Variants in TCF12 observed in about 807,000 individuals in gnomAD.
TCF12 encodes transcription factor 12.
In TCF12, 45 loss-of-function variants were observed where a neutral mutation model predicts 86.0. The observed-to-expected ratio is 0.52, with a 90% CI of 0.41 to 0.67. The LOEUF (loss-of-function observed/expected upper bound fraction) is 0.67, where lower values mean the gene tolerates loss of function less well. Ranked by LOEUF, TCF12 falls within the 30% of genes least tolerant of loss-of-function variation. TCF12 has a pLI of 0.00. For missense variants in TCF12, 881 were observed against 859.9 expected (o/e 1.02, Z -0.31); for synonymous variants, 330 against 299.6 (o/e 1.10, Z -1.05).
intron 3 of TCF12, among the ~76,000 whole-genome samples, chr15:56,981,733 A>G (rs1330956121): frequency 6.6e-6 from 1 of 152,224 alleles, no homozygotes; most frequent in Non-Finnish European, 1.5e-5. Context: ...AACATAAACA[A>G]TTAATACATA....
chr15:57,057,635 T>TG (rs11436045), intron 3 of TCF12, among the ~76,000 whole-genome samples: 37,558 of 151,932 alleles, frequency 0.25, 5,475 homozygotes, highest in East Asian at 0.4. Flanking sequence ...TTCAGAGAGG[T>TG]GGGAGGCAGA....
chr15:57,087,329 T>G (rs528796158), intron 4 of TCF12, among the ~76,000 whole-genome samples: 1 of 151,540 alleles, frequency 6.6e-6, no homozygotes, highest in Non-Finnish European at 1.5e-5. Context: ...GGAGGATTGC[T>G]TGAGCCCAGC....
At chr15:56,927,494 AT>A (rs1378443012) in intron 3 of TCF12, among the ~76,000 whole-genome samples, 4 of 152,170 alleles carry the variant, frequency 2.6e-5, no homozygotes, top group Non-Finnish European at 5.9e-5. Flanking sequence ...TACCATTAAC[AT>A]TTTCTCCTGT....
rs915604719 is a variant in TCF12 at position 57,083,846 on chromosome 15, A to G, written c.223-7943A>G. Among the ~76,000 whole-genome samples, 52 of 152,122 alleles carry G rather than the reference A, an allele frequency of 3.4e-4. 1 individual carries two copies. Among genetic ancestry groups the G allele is most frequent in the African/African-American group, 1.2e-3 (50 of 41,418 alleles). Reference sequence around the variant, plus strand: ...TCCTCCCACCTCGGCTTCCCAAAGTATTGGGATTACAGGTGTGAGCGACTG... The same window carrying G: ...TCCTCCCACCTCGGCTTCCCAAAGTGTTGGGATTACAGGTGTGAGCGACTG... On this transcript the variant is annotated intron_variant, in intron 4 of 20. Coordinates refer to ENST00000333725, the MANE Select transcript of TCF12 (RefSeq NM_207037.2).
At chr15:57,081,826 C>G (rs1487613494) in intron 4 of TCF12, among the ~76,000 whole-genome samples, 9 of 152,152 alleles carry the variant, frequency 5.9e-5, no homozygotes, top group African/African-American at 2.2e-4. Flanking sequence ...GCCTCAGCCT[C>G]CTAAAGTGCT....
intron 5 of TCF12, among the ~76,000 whole-genome samples, chr15:57,144,170 G>C (rs1357100889): frequency 6.6e-6 from 1 of 152,164 alleles, no homozygotes; most frequent in African/African-American, 2.4e-5. Context: ...AGAGAAACTA[G>C]AGGCAGGGGT....
chr15:57,248,222 G>A, intron 13 of TCF12: 1 of 640,000 alleles, frequency 1.6e-6, no homozygotes, highest in Admixed American at 2.5e-5. Context: ...AAGAGAAATG[G>A]TGCCACCATG....
At chr15:57,056,920 C>G (rs1344530591) in intron 3 of TCF12, among the ~76,000 whole-genome samples, 2 of 151,618 alleles carry the variant, frequency 1.3e-5, no homozygotes, top group Non-Finnish European at 2.9e-5. Context: ...TGCTGTTGGC[C>G]TCTGGTGATT....
At chr15:56,932,340 C>T (rs1295832455) in intron 3 of TCF12, among the ~76,000 whole-genome samples, 1 of 152,084 alleles carries the variant, frequency 6.6e-6, no homozygotes, top group African/African-American at 2.4e-5. Flanking sequence ...CTTATTGCCC[C>T]TCAGAAGTAG....
At chr15:57,242,487 C>T (rs1175060698) in intron 12 of TCF12, among the ~76,000 whole-genome samples, 1 of 151,976 alleles carries the variant, frequency 6.6e-6, no homozygotes, top group Non-Finnish European at 1.5e-5. Flanking sequence ...TCAACCTGAC[C>T]AACATGACAA....
At position 56,938,563 on chromosome 15, in the gene TCF12, A is replaced by G. The variant is rs557262272; in HGVS notation, c.148+17465A>G. 4.3e-4 allele frequency among the ~76,000 whole-genome samples: 65 copies of G among 151,876 alleles called. 1 individual carries two copies. The South Asian group carries it at 0.013, about 31-fold the overall frequency. ...GATTCCCTCTTTCTCTGTCTTATGG[A>G]ATAGTGTGAATAGGATTGGTACTAA... is the stretch of plus-strand genomic sequence containing the variant. On this transcript the variant is annotated intron_variant, in intron 3 of 20. Coordinates refer to ENST00000333725, the MANE Select transcript of TCF12 (RefSeq NM_207037.2).
At chr15:56,959,220 T>C (rs1360746903) in intron 3 of TCF12, among the ~76,000 whole-genome samples, 1 of 152,238 alleles carries the variant, frequency 6.6e-6, no homozygotes, top group African/African-American at 2.4e-5. Flanking sequence ...AAACATTTAC[T>C]ATGAGCCTGG....
chr15:56,929,339 G>A (rs980201380), intron 3 of TCF12, among the ~76,000 whole-genome samples: 12 of 152,116 alleles, frequency 7.9e-5, no homozygotes, highest in Non-Finnish European at 1.5e-4. Context: ...AAAGAAAACT[G>A]TTATTTTCAT....
intron 5 of TCF12, among the ~76,000 whole-genome samples, chr15:57,161,803 A>T (rs2054522880): frequency 1.3e-5 from 2 of 152,360 alleles, no homozygotes; most frequent in South Asian, 4.1e-4. Context: ...TCATATCATA[A>T]TTGTTGCAGA....
chr15:57,045,369 A>C (rs2067162844), intron 3 of TCF12, among the ~76,000 whole-genome samples: 1 of 152,164 alleles, frequency 6.6e-6, no homozygotes, highest in African/African-American at 2.4e-5. Context: ...TTCTCATGAA[A>C]GTAGGAAAAG....
chr15:57,076,667 A>G (rs546043437), intron 4 of TCF12, among the ~76,000 whole-genome samples: 2 of 152,120 alleles, frequency 1.3e-5, no homozygotes, highest in Admixed American at 1.3e-4. Context: ...AGAAAGGAAT[A>G]GAATAAACTT....
chr15:57,207,209 CAT>C (rs1312897084), intron 8 of TCF12, among the ~76,000 whole-genome samples: 5 of 152,118 alleles, frequency 3.3e-5, no homozygotes, highest in African/African-American at 7.2e-5. Context: ...TCTTTTGAAT[CAT>C]GTGTCATGTT....
chr15:57,100,958 T>G (rs1161169188), intron 5 of TCF12, among the ~76,000 whole-genome samples: 1 of 152,182 alleles, frequency 6.6e-6, no homozygotes. Context: ...TTTTACTACA[T>G]TGCTGTAGTT....
At chr15:57,269,928 T>TTAA (rs1163902702) in intron 18 of TCF12, among the ~76,000 whole-genome samples, 1 of 152,218 alleles carries the variant, frequency 6.6e-6, no homozygotes, top group Non-Finnish European at 1.5e-5. Flanking sequence ...AGAGATCCAC[T>TTAA]GTTAGTCTGA....
Sources: allele counts gnomAD v4.1 joint callset (sites outside exome capture counted in the v4.1 genomes callset), GRCh38; gene constraint gnomAD v4.1.1; transcripts MANE v1.5; gene names NCBI Gene and HGNC (gene_info 2026-07-23, HGNC 2026-07-21).